Variants in CMKLR2 observed in about 807,000 individuals in gnomAD.
CMKLR2 encodes the protein chemerin-like receptor 2.
Under a neutral mutation model 23.0 loss-of-function variants are expected in CMKLR2, and 18 were observed. The ratio of observed to expected loss-of-function variants is 0.78; its 90% CI spans 0.54 to 1.16. CMKLR2 has a LOEUF of 1.16. Ranked by LOEUF, CMKLR2 falls within the 50% of genes most tolerant of loss-of-function variation. The pLI, the probability that CMKLR2 is intolerant of heterozygous loss-of-function variation, is 0.00. For missense variants in CMKLR2, 401 were observed against 412.7 expected (o/e 0.97, Z 0.25); for synonymous variants, 158 against 158.9 (o/e 0.99, Z 0.05).
intron 1 of CMKLR2, among the ~76,000 whole-genome samples, chr2:206,195,825 A>G (rs994412778): frequency 1.3e-5 from 2 of 152,100 alleles, no homozygotes; most frequent in Non-Finnish European, 2.9e-5. Flanking sequence ...GCAGTGGCGC[A>G]TGCCTGTAAT....
chr2:206,206,696 C>A (rs907588965), intron 1 of CMKLR2, among the ~76,000 whole-genome samples: 2 of 152,144 alleles, frequency 1.3e-5, no homozygotes, highest in Non-Finnish European at 2.9e-5. Context: ...TTTTGCTTAC[C>A]TTCATACTCC....
intron 1 of CMKLR2, among the ~76,000 whole-genome samples, chr2:206,207,426 C>T (rs1218475490): frequency 6.6e-6 from 1 of 152,136 alleles, no homozygotes; most frequent in East Asian, 1.9e-4. Flanking sequence ...AGGTATGAGA[C>T]ACCATGCCTG....
intron 1 of CMKLR2, among the ~76,000 whole-genome samples, chr2:206,188,012 G>A (rs778736798): frequency 2.0e-5 from 3 of 152,150 alleles, no homozygotes; most frequent in Non-Finnish European, 2.9e-5. Flanking sequence ...ATTCTCACTC[G>A]AGAATCAAGT....
At chr2:206,208,287 T>A (rs745308248) in intron 1 of CMKLR2, among the ~76,000 whole-genome samples, 5 of 152,196 alleles carry the variant, frequency 3.3e-5, no homozygotes, top group Admixed American at 6.5e-5. Flanking sequence ...ATGCCTGTAA[T>A]CCCTGCCTTT....
At chr2:206,184,087 T>C (rs1265738541) in intron 1 of CMKLR2, among the ~76,000 whole-genome samples, 1 of 152,194 alleles carries the variant, frequency 6.6e-6, no homozygotes, top group Non-Finnish European at 1.5e-5. Flanking sequence ...GCCTAGCTTC[T>C]TGTGGTTTGC....
intron 1 of CMKLR2, among the ~76,000 whole-genome samples, chr2:206,184,840 C>T (rs1178305830): frequency 6.6e-6 from 1 of 151,948 alleles, no homozygotes; most frequent in African/African-American, 2.4e-5. Context: ...CTATTTCTTC[C>T]CTCTTAGATT....
In CMKLR2 at chr2:206,176,628, G is replaced by C; in HGVS notation, c.620C>G (p.Thr207Ser). ...ATAGCCAATGATAAATTTCACCCAA[G>C]TCAGAACATGGTGCCTGATCAAAGT... ...DLTLIRHHVL[T>S]WVKFIIGYLF... Residue 207 changes from threonine (T) to serine (S), a missense_variant, in exon 2 of 2, where the codon ACT (threonine) becomes AGT (serine). Transcript: ENST00000621141. 6.2e-7 allele frequency: 1 copy of C among 1,614,162 alleles called. No individual in the cohort carries two copies.
intron 1 of CMKLR2, among the ~76,000 whole-genome samples, chr2:206,191,239 A>G (rs148026692): frequency 2.0e-5 from 3 of 152,236 alleles, no homozygotes; most frequent in South Asian, 2.1e-4. Flanking sequence ...CACCTAACTC[A>G]TGGGGTTGCT....
intron 1 of CMKLR2, among the ~76,000 whole-genome samples, chr2:206,183,380 C>T (rs890490711): frequency 2.0e-5 from 3 of 152,154 alleles, no homozygotes; most frequent in Admixed American, 6.5e-5. Context: ...GTGTGATCAT[C>T]GCAGGGCCTG....
At chr2:206,214,944 G>A (rs1001532240), upstream of CMKLR2, among the ~76,000 whole-genome samples, 2 of 151,898 alleles carry the variant, frequency 1.3e-5, no homozygotes, top group African/African-American at 4.8e-5. Context: ...ATTTTTGTAT[G>A]GTCTAACTTC....
intron 1 of CMKLR2, among the ~76,000 whole-genome samples, chr2:206,205,322 C>A (rs1260968259): frequency 1.3e-5 from 2 of 152,056 alleles, no homozygotes; most frequent in Non-Finnish European, 2.9e-5. Flanking sequence ...TAACTTACTG[C>A]ATTTTGGGAA....
In CMKLR2 at chr2:206,176,871, A is replaced by C. The variant is rs776538578; in HGVS notation, c.377T>G (p.Phe126Cys). 3 of 1,614,244 alleles carry C rather than the reference A, an allele frequency of 1.9e-6. No homozygotes were observed. The South Asian group carries it at 3.3e-5, about 18-fold the overall frequency. ...GTCCAGGCTGATCACTGTCAGGAAA[A>C]AAACACTGGCAAACATGTTCAACTG... ...TAQLNMFASVFFLTVISLDHY... is the reference protein window; with the variant it reads ...TAQLNMFASVCFLTVISLDHY... Residue 126 changes from phenylalanine to cysteine, a missense_variant, in exon 2 of 2, where the codon TTT becomes TGT. Transcript: ENST00000621141.
At chr2:206,194,029 C>G (rs767518118) in intron 1 of CMKLR2, among the ~76,000 whole-genome samples, 6 of 152,206 alleles carry the variant, frequency 3.9e-5, no homozygotes, top group Non-Finnish European at 7.3e-5. Flanking sequence ...GATACTTCCT[C>G]TCTTAAAGAA....
At chr2:206,202,344 CTA>C (rs1293003097) in intron 1 of CMKLR2, among the ~76,000 whole-genome samples, 1 of 152,080 alleles carries the variant, frequency 6.6e-6, no homozygotes, top group Admixed American at 6.6e-5. Flanking sequence ...GACATGGAGG[CTA>C]TAGAGAGAAG....
At chr2:206,185,467 G>A (rs998772784) in intron 1 of CMKLR2, among the ~76,000 whole-genome samples, 1 of 152,100 alleles carries the variant, frequency 6.6e-6, no homozygotes, top group Non-Finnish European at 1.5e-5. Flanking sequence ...TATGTCTAGG[G>A]CAGGATGAGA....
intron 1 of CMKLR2, among the ~76,000 whole-genome samples, chr2:206,212,848 A>T (rs894061847): frequency 6.6e-6 from 1 of 152,200 alleles, no homozygotes; most frequent in African/African-American, 2.4e-5. Context: ...CCCACCTTGT[A>T]ATCTAAAGAG....
intron 1 of CMKLR2, among the ~76,000 whole-genome samples, chr2:206,199,875 C>G (rs1372472019): frequency 1.3e-5 from 2 of 152,044 alleles, no homozygotes; most frequent in Non-Finnish European, 2.9e-5. Context: ...AGACACCGTG[C>G]CCGGCCCTAT....
Position 206,177,197 on chromosome 2 carries a change from A to G in CMKLR2, c.51T>C (p.Tyr17=), listed in dbSNP as rs751443641. 6.2e-7 allele frequency: 1 copy of G among 1,610,854 alleles called. No homozygotes were observed. The highest frequency in any genetic ancestry group is 1.1e-5 in the South Asian group (1 of 90,464). The change falls in exon 2 of 2, where the codon TAT becomes TAC. Residue 17 remains tyrosine (Y), a synonymous_variant. Transcript: ENST00000621141. ...ACTCCAGAGAGTAATAGTCTAGGTCATAGGAATAGTTTTCAAATTCTTCAA... is the reference window on the plus strand; with the variant it reads ...ACTCCAGAGAGTAATAGTCTAGGTCGTAGGAATAGTTTTCAAATTCTTCAA... The part of the protein sequence containing the change: ...TLFEEFENYS[Y]DLDYYSLESD...
At chr2:206,204,353 CAAAAA>C (rs373840930) in intron 1 of CMKLR2, among the ~76,000 whole-genome samples, 1 of 44,212 alleles carries the variant, frequency 2.3e-5, no homozygotes, top group Non-Finnish European at 4.4e-5. Flanking sequence ...GACTCCATCT[CAAAAA>C]AAAAAAAAAA....
Sources: allele counts gnomAD v4.1 joint callset (sites outside exome capture counted in the v4.1 genomes callset), GRCh38; gene constraint gnomAD v4.1.1; transcripts MANE v1.5; gene names NCBI Gene and HGNC (gene_info 2026-07-23, HGNC 2026-07-21).